Variants in ATRNL1 observed in about 807,000 individuals in gnomAD.
The protein encoded by ATRNL1 is attractin-like protein 1.
A neutral mutation model predicts 182.7 loss-of-function variants in ATRNL1; 95 were observed. That is an observed-to-expected ratio of 0.52 (90% confidence interval 0.44 to 0.62). The LOEUF (loss-of-function observed/expected upper bound fraction) is 0.62, where lower values mean the gene tolerates loss of function less well. Ranked by LOEUF, ATRNL1 falls within the 20% of genes least tolerant of loss-of-function variation. ATRNL1 has a pLI of 0.00. For missense variants in ATRNL1, 1,471 were observed against 1,679.5 expected (o/e 0.88, Z 2.17); for synonymous variants, 576 against 568.3 (o/e 1.01, Z -0.19).
intron 27 of ATRNL1, among the ~76,000 whole-genome samples, chr10:115,812,765 C>T (rs1950076840): frequency 6.6e-6 from 1 of 152,080 alleles, no homozygotes; most frequent in African/African-American, 2.4e-5. Context: ...GCATGAACCA[C>T]CGTGCCTGGC....
intron 24 of ATRNL1, among the ~76,000 whole-genome samples, chr10:115,483,171 A>G (rs969735615): frequency 6.6e-6 from 1 of 151,364 alleles, no homozygotes; most frequent in Non-Finnish European, 1.5e-5. Flanking sequence ...ATGGAAAGAC[A>G]TCTGCTCTTA....
chr10:115,350,781 AT>A (rs746174049), intron 19 of ATRNL1, among the ~76,000 whole-genome samples: 1,937 of 151,222 alleles, frequency 0.013, 40 homozygotes, highest in African/African-American at 0.044. Flanking sequence ...GAATTTTAGG[AT>A]TTTTTTTTCC....
intron 9 of ATRNL1, among the ~76,000 whole-genome samples, chr10:115,228,386 G>T (rs1424896892): frequency 1.3e-5 from 2 of 152,082 alleles, no homozygotes; most frequent in African/African-American, 4.8e-5. Flanking sequence ...CTTTGCTCAG[G>T]CACTTTAACT....
intron 19 of ATRNL1, among the ~76,000 whole-genome samples, chr10:115,389,591 T>TA (rs1564990359): frequency 3.8e-5 from 4 of 105,728 alleles, no homozygotes; most frequent in Non-Finnish European, 7.2e-5. Context: ...TATATATATA[T>TA]TTCATCCAAT....
At chr10:115,614,151 T>C (rs1215082002) in intron 26 of ATRNL1, among the ~76,000 whole-genome samples, 2 of 152,136 alleles carry the variant, frequency 1.3e-5, no homozygotes, top group Non-Finnish European at 2.9e-5. Context: ...TTTTATGATG[T>C]AGGTTTCTAT....
chr10:115,540,428 C>T (rs536366130), intron 25 of ATRNL1, among the ~76,000 whole-genome samples: 3 of 151,938 alleles, frequency 2.0e-5, no homozygotes, highest in East Asian at 1.9e-4. Context: ...TACCTCAATC[C>T]CTTTGTAAAG....
At chr10:115,115,148 T>C (rs1554869507) in intron 1 of ATRNL1, among the ~76,000 whole-genome samples, 1 of 152,166 alleles carries the variant, frequency 6.6e-6, no homozygotes, top group Admixed American at 6.6e-5. Context: ...AAATATCACC[T>C]GATCTCACTT....
At chr10:115,558,527 G>T (rs527365783) in intron 26 of ATRNL1, among the ~76,000 whole-genome samples, 22 of 152,202 alleles carry the variant, frequency 1.4e-4, no homozygotes, top group Non-Finnish European at 2.1e-4. Context: ...GGGCTGTAGG[G>T]AGAGTAGCTT....
At chr10:115,453,443 A>G (rs1257328669) in intron 21 of ATRNL1, among the ~76,000 whole-genome samples, 1 of 152,062 alleles carries the variant, frequency 6.6e-6, no homozygotes, top group Non-Finnish European at 1.5e-5. Flanking sequence ...TGTCCAATGT[A>G]TGATTTGCAA....
chr10:115,394,054 C>CT (rs1298067645), intron 19 of ATRNL1, among the ~76,000 whole-genome samples: 1 of 151,896 alleles, frequency 6.6e-6, no homozygotes, highest in Non-Finnish European at 1.5e-5. Flanking sequence ...AATAGATGTT[C>CT]TTTTTTAAAA....
At chr10:115,448,852 A>AGCC (rs1847142154) in intron 21 of ATRNL1, among the ~76,000 whole-genome samples, 1 of 139,478 alleles carries the variant, frequency 7.2e-6, no homozygotes, top group African/African-American at 3.2e-5. Context: ...ATAGCGTGCC[A>AGCC]ACCAACAACA....
At position 115,363,740 on chromosome 10, in the gene ATRNL1, T is replaced by C. The variant is rs571157982; in HGVS notation, c.3175+29321T>C. ...CCAGTTTCAGCTTTCTACATATGGC[T>C]AGCCAGTTTTCCCAGAACCATTTAG... is the stretch of plus-strand genomic sequence containing the variant. On this transcript the variant is annotated intron_variant, in intron 19 of 28. Coordinates refer to ENST00000355044, the MANE Select transcript of ATRNL1 (RefSeq NM_207303.4). Among the ~76,000 whole-genome samples the C allele has an allele frequency of 8.2e-4, 124 of 151,930 alleles. 2 individuals carry two copies. The South Asian group carries it at 0.025, about 31-fold the overall frequency.
chr10:115,094,734 A>C (rs1476906322), intron 1 of ATRNL1, among the ~76,000 whole-genome samples: 1 of 152,190 alleles, frequency 6.6e-6, no homozygotes, highest in Non-Finnish European at 1.5e-5. Context: ...ACACAGTAGT[A>C]AGGGCCGAGT....
At chr10:115,134,144 C>G (rs1223564758) in intron 5 of ATRNL1, among the ~76,000 whole-genome samples, 1 of 151,952 alleles carries the variant, frequency 6.6e-6, no homozygotes, top group Non-Finnish European at 1.5e-5. Context: ...GAAGCAAGAG[C>G]AAAAACATTC....
chr10:115,783,322 C>A (rs1949315087), intron 27 of ATRNL1, among the ~76,000 whole-genome samples: 1 of 151,872 alleles, frequency 6.6e-6, no homozygotes, highest in African/African-American at 2.4e-5. Flanking sequence ...CTAAATTAGA[C>A]TGATAAAAAT....
rs1364252531 is a variant in ATRNL1, at chr10:115,095,622, TAGG to T, written c.293+1582_293+1584del. Among the ~76,000 whole-genome samples the T allele has an allele frequency of 2.5e-4, 38 of 152,172 alleles. No homozygotes were observed. In the East Asian group the frequency reaches 5.8e-3, roughly 23 times the overall value. On this transcript the variant is annotated intron_variant, in intron 1 of 28. Coordinates refer to ENST00000355044, the MANE Select transcript of ATRNL1 (RefSeq NM_207303.4). ...TTTTAAAAATACTTTTTAAAAAAAT[TAGG>T]AGAGATGCTGATTAAAAGTTTAAAA...
chr10:115,795,644 A>G (rs1342395587), intron 27 of ATRNL1, among the ~76,000 whole-genome samples: 5 of 152,154 alleles, frequency 3.3e-5, no homozygotes, highest in Non-Finnish European at 7.3e-5. Context: ...GGCTAAGGGG[A>G]AGCAAGTGCA....
At chr10:115,640,553 T>C (rs1402513028) in intron 26 of ATRNL1, among the ~76,000 whole-genome samples, 4 of 152,184 alleles carry the variant, frequency 2.6e-5, no homozygotes, top group African/African-American at 9.6e-5. Context: ...TTTCATACGT[T>C]TGTTGGCCGC....
chr10:115,205,796 T>G (rs1214185998), intron 8 of ATRNL1, among the ~76,000 whole-genome samples: 4 of 152,092 alleles, frequency 2.6e-5, no homozygotes, highest in Non-Finnish European at 5.9e-5. Flanking sequence ...ATATTTCATC[T>G]ACAAACATTG....
Sources: gnomAD v4.1 joint callset for allele counts (sites outside exome capture counted in the v4.1 genomes callset) on GRCh38, gnomAD v4.1.1 for gene constraint, MANE v1.5 for transcripts, NCBI Gene and HGNC (gene_info 2026-07-23, HGNC 2026-07-21) for gene names.